Variants in STK32B observed in about 807,000 individuals in gnomAD.
The protein encoded by STK32B is serine/threonine-protein kinase 32B.
A neutral mutation model predicts 52.6 loss-of-function variants in STK32B; 43 were observed. The observed-to-expected ratio is 0.82, with a 90% CI of 0.64 to 1.05. STK32B has a LOEUF of 1.05. Among genes scored for constraint, STK32B ranks in the 50% least tolerant of loss-of-function variants. The pLI, the probability that STK32B is intolerant of heterozygous loss-of-function variation, is 0.00. For synonymous variants in STK32B, 238 were observed against 204.3 expected, an observed-to-expected ratio of 1.17 and a Z score of -1.41; for missense variants, 621 against 534.6, an observed-to-expected ratio of 1.16 and a Z score of -1.59.
At chr4:5,093,453 A>G (rs1168666147) in intron 1 of STK32B, among the ~76,000 whole-genome samples, 4 of 152,148 alleles carry the variant, frequency 2.6e-5, no homozygotes, top group African/African-American at 7.2e-5. Flanking sequence ...CTCAGCAACT[A>G]TCGCAAGGAC....
chr4:5,310,799 C>A (rs1730244049), intron 3 of STK32B, among the ~76,000 whole-genome samples: 1 of 152,098 alleles, frequency 6.6e-6, no homozygotes, highest in Non-Finnish European at 1.5e-5. Flanking sequence ...TAAGTGTCCA[C>A]AAATAGATGA....
chr4:5,163,695 T>G (rs1044381537), intron 2 of STK32B, among the ~76,000 whole-genome samples: 4 of 152,128 alleles, frequency 2.6e-5, no homozygotes, highest in African/African-American at 9.7e-5. Context: ...CTTTGATTTT[T>G]CAGACATTCT....
At chr4:5,381,236 A>C (rs1274326428) in intron 4 of STK32B, among the ~76,000 whole-genome samples, 1 of 152,136 alleles carries the variant, frequency 6.6e-6, no homozygotes, top group Non-Finnish European at 1.5e-5. Flanking sequence ...CTTTATCTTC[A>C]TTATTCTTTA....
rs1398367286 is a variant in STK32B at position 5,500,780 on chromosome 4, A to G, written c.*1697A>G. The G allele has an allele frequency of 6.6e-6, 1 of 152,038 alleles. No homozygotes were observed. The highest frequency in any genetic ancestry group is 1.5e-5 in the Non-Finnish European group (1 of 68,018). 9.4% of individuals were successfully genotyped at this position (152,038 alleles called of 1,614,324 possible). A position where few individuals can be genotyped will look rare whatever the true frequency, so the allele number is the denominator to read the frequency against. On this transcript the variant is annotated 3_prime_UTR_variant, in exon 12 of 12. Coordinates refer to ENST00000282908, the MANE Select transcript of STK32B (RefSeq NM_018401.3). Reference sequence around the variant, plus strand: ...TTTTCTTTACTTCATGTCCCCATCAACAACCGTCCTGCTCCCCACCTCCCC... The same window carrying G: ...TTTTCTTTACTTCATGTCCCCATCAGCAACCGTCCTGCTCCCCACCTCCCC...
intron 4 of STK32B, among the ~76,000 whole-genome samples, chr4:5,368,398 G>T (rs201014019): frequency 1.5e-3 from 220 of 142,698 alleles, no homozygotes; most frequent in East Asian, 2.9e-3. Context: ...AATGATAAGG[G>T]CTTTGCTTTC....
intron 3 of STK32B, among the ~76,000 whole-genome samples, chr4:5,313,167 A>G (rs115430919): frequency 0.013 from 1,924 of 151,660 alleles, 50 homozygotes; most frequent in African/African-American, 0.043. Context: ...CCACCAGTGT[A>G]CAAAAAGAAT....
chr4:5,121,342 C>T (rs1248648934), intron 1 of STK32B, among the ~76,000 whole-genome samples: 1 of 152,090 alleles, frequency 6.6e-6, no homozygotes, highest in Non-Finnish European at 1.5e-5. Flanking sequence ...AGGTTGGTTC[C>T]ATTTCCTTGC....
At chr4:5,342,451 T>C (rs556363302) in intron 4 of STK32B, among the ~76,000 whole-genome samples, 1 of 152,282 alleles carries the variant, frequency 6.6e-6, no homozygotes, top group South Asian at 2.1e-4. Flanking sequence ...ATCGCAAGGA[T>C]AGAAAACCAA....
chr4:5,424,898 G>C (rs1712954887), intron 6 of STK32B, among the ~76,000 whole-genome samples: 2 of 152,256 alleles, frequency 1.3e-5, no homozygotes, highest in African/African-American at 4.8e-5. Flanking sequence ...AGCCAGGGCT[G>C]TGATGCCCTC....
intron 2 of STK32B, among the ~76,000 whole-genome samples, chr4:5,144,620 T>A (rs969846276): frequency 1.3e-5 from 2 of 152,206 alleles, no homozygotes; most frequent in East Asian, 3.9e-4. Flanking sequence ...ACTCATGATC[T>A]TGCATGACAC....
chr4:5,054,844 T>C (rs950126491), intron 1 of STK32B, among the ~76,000 whole-genome samples: 1 of 152,220 alleles, frequency 6.6e-6, no homozygotes, highest in African/African-American at 2.4e-5. Flanking sequence ...GACAGGACCG[T>C]CATCCACATT....
chr4:5,156,772 G>A (rs1717887502), intron 2 of STK32B, among the ~76,000 whole-genome samples: 1 of 152,162 alleles, frequency 6.6e-6, no homozygotes, highest in Non-Finnish European at 1.5e-5. Flanking sequence ...GCAGAAAATG[G>A]CACAGTGTTA....
At chr4:5,330,487 A>G (rs1376090940) in intron 3 of STK32B, among the ~76,000 whole-genome samples, 1 of 152,192 alleles carries the variant, frequency 6.6e-6, no homozygotes, top group African/African-American at 2.4e-5. Flanking sequence ...AAACACCACC[A>G]TTTAATCATC....
the STK32B span, among the ~76,000 whole-genome samples, chr4:5,043,578 A>C: frequency 6.6e-6 from 1 of 152,176 alleles, no homozygotes; most frequent in Non-Finnish European, 1.5e-5. Context: ...GAGGTGGTGC[A>C]TATACTTACT....
intron 1 of STK32B, among the ~76,000 whole-genome samples, chr4:5,070,355 T>C (rs1295617460): frequency 6.6e-6 from 1 of 152,136 alleles, no homozygotes; most frequent in Non-Finnish European, 1.5e-5. Context: ...TTGTTTTTGC[T>C]GTATTTCTTG....
At chr4:5,331,483 T>A in intron 4 of STK32B, 90 bp downstream of exon 4, 4 of 1,408,250 alleles carry the variant, frequency 2.8e-6, no homozygotes, top group Non-Finnish European at 3.8e-6. Flanking sequence ...GAGAATTTTG[T>A]CCTTGACATG....
At position 5,460,886 on chromosome 4, in the gene STK32B, G is replaced by A. The variant is rs1265005908; in HGVS notation, c.909+658G>A. Among the ~76,000 whole-genome samples, 3 of 152,190 alleles carry A rather than the reference G, an allele frequency of 2.0e-5. No individual in the cohort carries two copies. Among genetic ancestry groups the A allele is most frequent in the African/African-American group, 7.2e-5 (3 of 41,460 alleles). ...TGCCACACCAAAAAGGCTTCCAGAG[G>A]CCACGGTCAAAGTTTTAGGTTTTGT... On this transcript the variant is annotated intron_variant, in intron 9 of 11. Coordinates refer to ENST00000282908, the MANE Select transcript of STK32B (RefSeq NM_018401.3). The surrounding 1 kb of genome is among the most constrained non-coding windows in gnomAD (Gnocchi z 4.8).
At chr4:5,446,436 G>C (rs1003771679) in intron 6 of STK32B, among the ~76,000 whole-genome samples, 2 of 152,034 alleles carry the variant, frequency 1.3e-5, no homozygotes, top group Admixed American at 6.6e-5. Flanking sequence ...CATGGTGGCA[G>C]GTGCCTGTAA....
chr4:5,344,993 A>G (rs966807774), intron 4 of STK32B, among the ~76,000 whole-genome samples: 1 of 152,022 alleles, frequency 6.6e-6, no homozygotes, highest in African/African-American at 2.4e-5. Context: ...GTGAGCCGTG[A>G]TAGTGCTGCT....
Sources: allele counts gnomAD v4.1 joint callset (sites outside exome capture counted in the v4.1 genomes callset), GRCh38; gene constraint gnomAD v4.1.1; non-coding constraint Gnocchi (gnomAD v3.1); transcripts MANE v1.5; gene names NCBI Gene and HGNC (gene_info 2026-07-23, HGNC 2026-07-21).